LRP1B: variants seen among roughly 807,000 people sequenced by gnomAD.
LRP1B encodes the protein LDL receptor related protein 1B.
A neutral mutation model predicts 556.6 loss-of-function variants in LRP1B; 217 were observed. The ratio of observed to expected loss-of-function variants is 0.39; its 90% CI spans 0.35 to 0.44. LRP1B has a LOEUF of 0.44. LRP1B is among the 20% of genes least tolerant of loss of function. The probability of loss-of-function intolerance (pLI) is 1.00; values close to 1 mark genes in which losing one functional copy is unlikely to be tolerated. For missense variants in LRP1B, 5,053 were observed against 5,620.8 expected (o/e 0.90, Z 3.23); for synonymous variants, 2,047 against 1,865.8 (o/e 1.10, Z -2.50).
At chr2:140,477,253 T>C (rs1222728090) in intron 59 of LRP1B, among the ~76,000 whole-genome samples, 2 of 152,102 alleles carry the variant, frequency 1.3e-5, no homozygotes, top group African/African-American at 4.8e-5. Flanking sequence ...ACTAACATAA[T>C]ACTTTTTGAT....
chr2:141,071,616 G>A (rs575232178), intron 7 of LRP1B, among the ~76,000 whole-genome samples: 2 of 152,244 alleles, frequency 1.3e-5, no homozygotes, highest in South Asian at 4.1e-4. Flanking sequence ...CATTGTTTCA[G>A]CCCAAAATCT....
At chr2:141,046,607 C>T (rs563643743) in intron 11 of LRP1B, among the ~76,000 whole-genome samples, 41 of 152,140 alleles carry the variant, frequency 2.7e-4, no homozygotes, top group African/African-American at 7.5e-4. Flanking sequence ...ATATGCCTGG[C>T]GGTCATTGTG....
intron 2 of LRP1B, among the ~76,000 whole-genome samples, chr2:141,799,925 A>G (rs1695952157): frequency 6.6e-6 from 1 of 152,058 alleles, no homozygotes; most frequent in Non-Finnish European, 1.5e-5. Context: ...ATGTATATAA[A>G]TATTAACCTA....
At position 140,565,679 on chromosome 2, in the gene LRP1B, T is replaced by G. The variant is rs368195646; in HGVS notation, c.7195-23708A>C. On this transcript the variant is annotated intron_variant, in intron 43 of 90. Transcript: ENST00000389484. ...AAAACAACAAATAAACAACTGCATT[T>G]TCATGAAAGTAAATAAAGGAGAGCA... Among the ~76,000 whole-genome samples the G allele has an allele frequency of 2.3e-3, 357 of 152,204 alleles. 1 individual carries two copies. Among genetic ancestry groups the G allele is most frequent in the African/African-American group, 8.2e-3 (341 of 41,534 alleles).
At chr2:141,250,121 A>C (rs573852393) in intron 4 of LRP1B, among the ~76,000 whole-genome samples, 1 of 152,322 alleles carries the variant, frequency 6.6e-6, no homozygotes, top group Admixed American at 6.5e-5. Context: ...ATTAAAATAT[A>C]TCTTTGGCCT....
At chr2:142,018,434 A>T (rs1203764390) in intron 1 of LRP1B, among the ~76,000 whole-genome samples, 12 of 152,198 alleles carry the variant, frequency 7.9e-5, no homozygotes, top group Admixed American at 7.9e-4. Flanking sequence ...CCTTTACAGA[A>T]TATAATGCTA....
At chr2:141,148,136 T>G (rs1170212780) in intron 7 of LRP1B, among the ~76,000 whole-genome samples, 1 of 152,122 alleles carries the variant, frequency 6.6e-6, no homozygotes, top group Non-Finnish European at 1.5e-5. Context: ...GCAATATCCA[T>G]TCAGGAATAG....
chr2:140,622,939 T>G (rs1173885043), intron 41 of LRP1B, among the ~76,000 whole-genome samples: 1 of 142,848 alleles, frequency 7.0e-6, no homozygotes, highest in Non-Finnish European at 1.6e-5. Context: ...TCAAAATGCT[T>G]CTATTCTGAT....
intron 11 of LRP1B, among the ~76,000 whole-genome samples, chr2:141,027,730 A>T (rs959745647): frequency 2.0e-5 from 3 of 152,146 alleles, no homozygotes; most frequent in Non-Finnish European, 4.4e-5. Flanking sequence ...CCTAATTCAC[A>T]TGGTGAAATC....
At chr2:140,273,928 C>G (rs920229341) in intron 85 of LRP1B, among the ~76,000 whole-genome samples, 1 of 151,994 alleles carries the variant, frequency 6.6e-6, no homozygotes, top group Admixed American at 6.6e-5. Context: ...ATTATTCCTT[C>G]TGTTTGCTTT....
At chr2:140,858,501 G>GGAGAGAGAGAGAGAGAGAGAGAGAGAGA (rs35791983) in intron 27 of LRP1B, among the ~76,000 whole-genome samples, 1 of 139,934 alleles carries the variant, frequency 7.1e-6, no homozygotes, top group Non-Finnish European at 1.5e-5. Flanking sequence ...TTATATATAT[G>GGAGAGAGAGAGAGAGAGAGAGAGAGAGA]GAGAGAGAGA....
At chr2:140,428,863 T>C (rs1685784360) in intron 66 of LRP1B, among the ~76,000 whole-genome samples, 1 of 151,926 alleles carries the variant, frequency 6.6e-6, no homozygotes, top group Non-Finnish European at 1.5e-5. Flanking sequence ...AAGCACTCTT[T>C]TTTAGTTATC....
At chr2:141,539,251 CTGT>C (rs1194755051) in intron 2 of LRP1B, among the ~76,000 whole-genome samples, 1 of 152,052 alleles carries the variant, frequency 6.6e-6, no homozygotes, top group African/African-American at 2.4e-5. Flanking sequence ...GTGGTGCCGG[CTGT>C]TTTTCCAGCA....
chr2:141,640,293 A>T (rs1689283389), intron 2 of LRP1B, among the ~76,000 whole-genome samples: 1 of 152,182 alleles, frequency 6.6e-6, no homozygotes, highest in Non-Finnish European at 1.5e-5. Context: ...TTTTGAATAC[A>T]CTGAACATAC....
intron 87 of LRP1B, among the ~76,000 whole-genome samples, chr2:140,246,040 A>C (rs2104896686): frequency 6.6e-6 from 1 of 151,544 alleles, no homozygotes; most frequent in Non-Finnish European, 1.5e-5. Context: ...TTAATCTCTA[A>C]ATTAGGAAAA....
chr2:141,525,846 GTCTCATA>G (rs1201882823), intron 2 of LRP1B, among the ~76,000 whole-genome samples: 1 of 151,916 alleles, frequency 6.6e-6, no homozygotes, highest in African/African-American at 2.4e-5. Context: ...GTATAACTAT[GTCTCATA>G]TAAGTATAAT....
chr2:141,030,883 A>C (rs1698349953), intron 11 of LRP1B, among the ~76,000 whole-genome samples: 1 of 151,978 alleles, frequency 6.6e-6, no homozygotes, highest in Non-Finnish European at 1.5e-5. Flanking sequence ...GGTAGTCATC[A>C]CTCATTTTTT....
chr2:141,269,592 C>T (rs920620311), intron 3 of LRP1B, among the ~76,000 whole-genome samples: 1 of 152,046 alleles, frequency 6.6e-6, no homozygotes, highest in African/African-American at 2.4e-5. Flanking sequence ...GGACTGCATA[C>T]TATGGGGAAA....
intron 3 of LRP1B, among the ~76,000 whole-genome samples, chr2:141,267,315 T>G (rs1019312875): frequency 8.5e-5 from 13 of 152,212 alleles, no homozygotes; most frequent in African/African-American, 2.9e-4. Context: ...TCTTAAACTA[T>G]CTGAGCTTCA....
Sources: allele counts gnomAD v4.1 joint callset (sites outside exome capture counted in the v4.1 genomes callset), GRCh38; gene constraint gnomAD v4.1.1; transcripts MANE v1.5; gene names NCBI Gene and HGNC (gene_info 2026-07-23, HGNC 2026-07-21).